The following FAF1 variants were observed in gnomAD, a reference collection of about 807,000 sequenced individuals.
FAF1 encodes Fas associated factor 1.
In FAF1, 25 loss-of-function variants were observed where a neutral mutation model predicts 92.5. The ratio of observed to expected loss-of-function variants is 0.27; its 90% confidence interval spans 0.20 to 0.38. FAF1 has a LOEUF of 0.38. Among genes scored for constraint, FAF1 ranks in the 10% least tolerant of loss-of-function variants. The pLI, the probability that FAF1 is intolerant of heterozygous loss-of-function variation, is 1.00. For missense variants in FAF1, 636 were observed against 793.3 expected, an observed-to-expected ratio of 0.80 and a Z score of 2.38; for synonymous variants, 234 against 273.2, an observed-to-expected ratio of 0.86 and a Z score of 1.42.
In FAF1 at chr1:50,903,028, C is replaced by T. The variant is rs147177766; in HGVS notation, c.46-45031G>A. Among the ~76,000 whole-genome samples, 304 of 152,176 alleles carry T rather than the reference C, an allele frequency of 2.0e-3. 1 individual carries two copies. Among genetic ancestry groups the T allele is most frequent in the African/African-American group, 6.6e-3 (276 of 41,542 alleles). ...ATTACTCTCCAACAAAACCTGGGCA[C>T]TTATCAGACTATAATTTTGTTTACA... On this transcript the variant is annotated intron_variant, in intron 1 of 18. Transcript: ENST00000396153.
At chr1:50,821,205 T>TA (rs938024202) in intron 2 of FAF1, among the ~76,000 whole-genome samples, 8 of 152,194 alleles carry the variant, frequency 5.3e-5, no homozygotes, top group East Asian at 1.9e-4. Flanking sequence ...TATGCAACTT[T>TA]AAAAAAAATC....
chr1:50,913,806 A>G (rs1644902749), intron 1 of FAF1, among the ~76,000 whole-genome samples: 1 of 152,208 alleles, frequency 6.6e-6, no homozygotes, highest in Non-Finnish European at 1.5e-5. Context: ...GCAGAAATAG[A>G]GCAGGAAGAA....
chr1:50,846,945 T>C, intron 2 of FAF1: 1 of 252,984 alleles, frequency 4.0e-6, no homozygotes, highest in Non-Finnish European at 7.6e-6. Context: ...TATAAGAGTG[T>C]ATTGCAGGTG....
At chr1:50,603,686 T>C (rs1652250975) in intron 8 of FAF1, among the ~76,000 whole-genome samples, 1 of 152,162 alleles carries the variant, frequency 6.6e-6, no homozygotes, top group Non-Finnish European at 1.5e-5. Context: ...GAGCTTTAAT[T>C]TGTGGCAGGT....
chr1:50,793,949 G>C (rs1422032286), intron 3 of FAF1, among the ~76,000 whole-genome samples: 1 of 152,116 alleles, frequency 6.6e-6, no homozygotes, highest in Non-Finnish European at 1.5e-5. Flanking sequence ...ATGTTTACTG[G>C]AACATTTTGG....
rs200447097 is a variant in FAF1 at position 50,888,844 on chromosome 1, G to A, written c.46-30847C>T. 1.2e-3 allele frequency among the ~76,000 whole-genome samples: 182 copies of A among 152,224 alleles called. 3 individuals are homozygous for A. In the East Asian group the frequency reaches 0.027, roughly 22 times the overall value. On this transcript the variant is annotated intron_variant, in intron 1 of 18. Coordinates refer to ENST00000396153, the MANE Select transcript of FAF1 (RefSeq NM_007051.3). ...AATTCTCTTTTTTTGTTGTGTCTCT[G>A]CCAGGCTTTGGTATCAGGATGATGC...
chr1:50,886,289 G>GC (rs973823583), intron 1 of FAF1, among the ~76,000 whole-genome samples: 2 of 151,900 alleles, frequency 1.3e-5, no homozygotes, highest in Non-Finnish European at 2.9e-5. Flanking sequence ...AAATCCCTCC[G>GC]CTTTTCTTTG....
intron 15 of FAF1, among the ~76,000 whole-genome samples, chr1:50,514,945 C>T (rs1036471850): frequency 2.6e-5 from 4 of 152,092 alleles, no homozygotes; most frequent in African/African-American, 9.7e-5. Flanking sequence ...AGTTTAGATC[C>T]GGTCATCACT....
chr1:50,494,733 CAT>C, intron 15 of FAF1, among the ~76,000 whole-genome samples: 1 of 152,312 alleles, frequency 6.6e-6, no homozygotes, highest in African/African-American at 2.4e-5. Flanking sequence ...GACTCTATTT[CAT>C]ATGTCTTCGT....
chr1:50,515,882 A>G (rs528840719), intron 15 of FAF1, among the ~76,000 whole-genome samples: 4 of 152,208 alleles, frequency 2.6e-5, no homozygotes, highest in Non-Finnish European at 4.4e-5. Context: ...GCTGTATCAC[A>G]TACCCAAATT....
intron 18 of FAF1, among the ~76,000 whole-genome samples, chr1:50,453,387 C>A (rs1331514557): frequency 6.6e-6 from 1 of 152,172 alleles, no homozygotes. Flanking sequence ...GGGCTTTGAA[C>A]AGGAGTTAAA....
At chr1:50,479,975 C>T (rs2149001719) in intron 17 of FAF1, among the ~76,000 whole-genome samples, 1 of 152,288 alleles carries the variant, frequency 6.6e-6, no homozygotes, top group South Asian at 2.1e-4. Flanking sequence ...TGTAAGCAAA[C>T]ACTGTTGTAA....
chr1:50,718,394 TTA>T (rs1395048209), intron 6 of FAF1, among the ~76,000 whole-genome samples: 2 of 152,174 alleles, frequency 1.3e-5, no homozygotes, highest in Non-Finnish European at 2.9e-5. Context: ...GCAAATAACA[TTA>T]TATGTCCACT....
At chr1:50,695,075 G>A (rs1351732762) in intron 7 of FAF1, among the ~76,000 whole-genome samples, 1 of 152,068 alleles carries the variant, frequency 6.6e-6, no homozygotes, top group Non-Finnish European at 1.5e-5. Flanking sequence ...TCTGAATAAA[G>A]CTCTAGTTAC....
rs560783219 is a variant in FAF1 at position 50,674,996 on chromosome 1, T to C, written c.658-19468A>G. ...ACCTCCGCCTCCTGGGTTCAACCAA[T>C]TCTCCTGTCTCAGCCTCCCAAGTAG... On this transcript the variant is annotated intron_variant, in intron 7 of 18. Transcript: ENST00000396153. Among the ~76,000 whole-genome samples the C allele has an allele frequency of 7.9e-5, 12 of 152,264 alleles. 1 individual carries two copies. The South Asian group carries it at 2.5e-3, about 32-fold the overall frequency.
At chr1:50,813,973 A>G (rs1437973242) in intron 2 of FAF1, among the ~76,000 whole-genome samples, 2 of 152,174 alleles carry the variant, frequency 1.3e-5, no homozygotes, top group African/African-American at 2.4e-5. Context: ...CACACCATAT[A>G]TATATACTAT....
rs116758989 is a variant in FAF1 at position 50,917,227 on chromosome 1, G to A, written c.45+42540C>T. Among the ~76,000 whole-genome samples, 828 of 152,248 alleles carry A rather than the reference G, an allele frequency of 5.4e-3. 5 individuals are homozygous for A. Among genetic ancestry groups the A allele is most frequent in the African/African-American group, 0.018 (759 of 41,554 alleles). ...GACTAACTCTTGCTGAGAACAAATT[G>A]AAAAGCTGAAAGATACACTGCAATC... On this transcript the variant is annotated intron_variant, in intron 1 of 18. Transcript: ENST00000396153.
intron 18 of FAF1, among the ~76,000 whole-genome samples, chr1:50,473,983 T>C (rs1646606635): frequency 6.6e-6 from 1 of 152,216 alleles, no homozygotes; most frequent in Admixed American, 6.5e-5. Context: ...TCCCATTCCA[T>C]ATAAAGCAGG....
intron 2 of FAF1, among the ~76,000 whole-genome samples, chr1:50,836,466 T>C (rs1644206550): frequency 6.6e-6 from 1 of 152,192 alleles, no homozygotes; most frequent in African/African-American, 2.4e-5. Flanking sequence ...GGGACAAAAA[T>C]TGGACCAAAA....
Sources: allele counts gnomAD v4.1 joint callset (sites outside exome capture counted in the v4.1 genomes callset), GRCh38; gene constraint gnomAD v4.1.1; transcripts MANE v1.5; gene names NCBI Gene and HGNC (gene_info 2026-07-23, HGNC 2026-07-21).